Variants in THSD4 observed in about 807,000 individuals in gnomAD.
THSD4 encodes thrombospondin type 1 domain containing 4.
In THSD4, 69 loss-of-function variants were observed where a neutral mutation model predicts 119.0. The ratio of observed to expected loss-of-function variants is 0.58; its 90% confidence interval spans 0.48 to 0.71. THSD4 has a LOEUF of 0.71. THSD4 is among the 30% of genes least tolerant of loss of function. THSD4 has a pLI of 0.00. For missense variants in THSD4, 1,393 were observed against 1,391.1 expected, an observed-to-expected ratio of 1.00 and a Z score of -0.02; for synonymous variants, 524 against 540.4, an observed-to-expected ratio of 0.97 and a Z score of 0.42.
intron 4 of THSD4, among the ~76,000 whole-genome samples, chr15:71,238,409 T>C (rs1289790484): frequency 6.6e-6 from 1 of 152,184 alleles, no homozygotes; most frequent in Non-Finnish European, 1.5e-5. Flanking sequence ...ATCACGACTA[T>C]CTAATTGCAG....
At chr15:71,162,502 G>A (rs1013148962) in intron 3 of THSD4, among the ~76,000 whole-genome samples, 3 of 151,918 alleles carry the variant, frequency 2.0e-5, no homozygotes, top group Non-Finnish European at 4.4e-5. Flanking sequence ...AAATCTGCTG[G>A]TAGTCTAACG....
chr15:71,225,801 A>AGAG (rs1157680061), intron 4 of THSD4, among the ~76,000 whole-genome samples: 1 of 152,072 alleles, frequency 6.6e-6, no homozygotes, highest in African/African-American at 2.4e-5. Flanking sequence ...TTGGCCTCCC[A>AGAG]GAGTGCTGGG....
intron 3 of THSD4, chr15:71,165,297 A>T (rs2043285045): frequency 1.3e-6 from 2 of 1,590,862 alleles, no homozygotes; most frequent in Non-Finnish European, 8.6e-7. Context: ...TTCTTAGAAA[A>T]CTCTTGAGAA....
At chr15:71,741,384 T>G (rs1376790167) in intron 11 of THSD4, among the ~76,000 whole-genome samples, 3 of 151,976 alleles carry the variant, frequency 2.0e-5, no homozygotes, top group Non-Finnish European at 4.4e-5. Context: ...TCCCAGCTAC[T>G]CGGGAGGCTG....
intron 8 of THSD4, among the ~76,000 whole-genome samples, chr15:71,669,448 G>T (rs557440252): frequency 6.6e-6 from 1 of 151,964 alleles, no homozygotes; most frequent in East Asian, 1.9e-4. Flanking sequence ...AAGTCCTGGG[G>T]TACATGTGCA....
chr15:71,559,565 C>CTT (rs56166658), intron 7 of THSD4, among the ~76,000 whole-genome samples: 50 of 145,940 alleles, frequency 3.4e-4, no homozygotes, highest in East Asian at 8.0e-4. Flanking sequence ...TCTTTTCCTC[C>CTT]TTTTTTTTTT....
intron 8 of THSD4, among the ~76,000 whole-genome samples, chr15:71,700,130 T>C (rs1304658078): frequency 1.3e-5 from 2 of 152,020 alleles, no homozygotes; most frequent in African/African-American, 4.8e-5. Context: ...GGTATAAAGA[T>C]TGTAGAAAAA....
intron 7 of THSD4, among the ~76,000 whole-genome samples, chr15:71,632,083 G>A (rs926910054): frequency 2.0e-5 from 3 of 152,202 alleles, no homozygotes; most frequent in African/African-American, 7.2e-5. Context: ...AGAGCTGGCA[G>A]AAAAAGTGAA....
chr15:71,247,942 G>C (rs568403605), intron 5 of THSD4, among the ~76,000 whole-genome samples: 4 of 152,320 alleles, frequency 2.6e-5, no homozygotes, highest in African/African-American at 9.6e-5. Context: ...TCTGGTGCCT[G>C]AGGAGATGCA....
chr15:71,137,617 C>T (rs1007794031), intron 1 of THSD4, among the ~76,000 whole-genome samples: 1 of 152,132 alleles, frequency 6.6e-6, no homozygotes, highest in Non-Finnish European at 1.5e-5. Flanking sequence ...TGGTGACCCC[C>T]AGTTTGAAAA....
At chr15:71,730,914 C>A (rs2052964736) in intron 9 of THSD4, 2 of 553,878 alleles carry the variant, frequency 3.6e-6, no homozygotes, top group Non-Finnish European at 6.5e-6. Context: ...ATTTGCTCGG[C>A]CTAAGTTCTT....
chr15:71,159,254 T>G (rs1452225499), intron 3 of THSD4, among the ~76,000 whole-genome samples: 1 of 152,188 alleles, frequency 6.6e-6, no homozygotes, highest in Non-Finnish European at 1.5e-5. Flanking sequence ...TGTGTGATGC[T>G]TCCAGTTTTG....
chr15:71,107,123 T>C lies in THSD4; in HGVS notation c.-80+10117T>C, dbSNP rs536524426. ...GCACAGCAAGGCTCCAAGTGCACAT[T>C]TGTTTAACTCTAAAACCAATGTGCC... is the stretch of plus-strand genomic sequence containing the variant. On this transcript the variant is annotated intron_variant, in intron 1 of 17. Transcript: ENST00000355327. Among the ~76,000 whole-genome samples, 3 of 152,314 alleles carry C rather than the reference T, an allele frequency of 2.0e-5. No individual in the cohort carries two copies. In the South Asian group the frequency reaches 6.2e-4, roughly 32 times the overall value.
chr15:71,442,660 G>GTATATATATATATA (rs71154772), intron 7 of THSD4, among the ~76,000 whole-genome samples: 3 of 25,782 alleles, frequency 1.2e-4, no homozygotes, highest in South Asian at 2.4e-3. Flanking sequence ...GTGTGTGTGT[G>GTATATATATATATA]TATATATATA....
intron 7 of THSD4, among the ~76,000 whole-genome samples, chr15:71,454,786 C>G (rs2047314843): frequency 6.6e-6 from 1 of 152,206 alleles, no homozygotes; most frequent in Admixed American, 6.5e-5. Context: ...ACATCTCTCC[C>G]TGACACTAAG....
chr15:71,716,840 A>G (rs890021686), intron 8 of THSD4, among the ~76,000 whole-genome samples: 3 of 152,192 alleles, frequency 2.0e-5, no homozygotes. Flanking sequence ...TCACTCACAT[A>G]GAATCCTGGA....
chr15:71,529,824 G>A (rs2048582181), intron 7 of THSD4, among the ~76,000 whole-genome samples: 1 of 152,158 alleles, frequency 6.6e-6, no homozygotes, highest in South Asian at 2.1e-4. Context: ...TACAGGATTT[G>A]AGAATTAAAT....
chr15:71,773,211 AAAAAGAAAAAG>A (rs2053853882), intron 17 of THSD4, among the ~76,000 whole-genome samples: 1 of 143,898 alleles, frequency 6.9e-6, no homozygotes, highest in Non-Finnish European at 1.5e-5. Context: ...AAAAAAAAAA[AAAAAGAAAAAG>A]AAAAAAGAAA....
At chr15:71,264,092 G>A (rs2044435976) in intron 6 of THSD4, among the ~76,000 whole-genome samples, 1 of 152,216 alleles carries the variant, frequency 6.6e-6, no homozygotes, top group African/African-American at 2.4e-5. Context: ...ACGCCATGGT[G>A]GGGCATGATG....
Sources: gnomAD v4.1 joint callset for allele counts (sites outside exome capture counted in the v4.1 genomes callset) on GRCh38, gnomAD v4.1.1 for gene constraint, MANE v1.5 for transcripts, NCBI Gene and HGNC (gene_info 2026-07-23, HGNC 2026-07-21) for gene names.